CHLSN: variants seen among roughly 807,000 people sequenced by gnomAD.
CHLSN encodes the protein cholesin.
At chr7:1,068,243 G>C in the CHLSN span, among the ~76,000 whole-genome samples, 135 of 152,196 alleles carry the variant, frequency 8.9e-4, no homozygotes, top group African/African-American at 3.2e-3. Context: ...TTCCCCTCGT[G>C]GTGCTCACGC....
At chr7:1,070,921 ACG>A in the CHLSN span, among the ~76,000 whole-genome samples, 8 of 115,002 alleles carry the variant, frequency 7.0e-5, no homozygotes, top group African/African-American at 2.4e-4. Flanking sequence ...CACACACAGC[ACG>A]CACAGACACG....
At chr7:1,076,650 G>T in the CHLSN span, among the ~76,000 whole-genome samples, 3 of 152,282 alleles carry the variant, frequency 2.0e-5, no homozygotes, top group Non-Finnish European at 4.4e-5. Context: ...GGGAAAAGCC[G>T]CAGAGGGAAG....
At chr7:1,125,085 C>T in the CHLSN span, among the ~76,000 whole-genome samples, 2 of 152,252 alleles carry the variant, frequency 1.3e-5, no homozygotes, top group African/African-American at 2.4e-5. Flanking sequence ...CCTGCTGAGC[C>T]GCCTGCAGCC....
chr7:990,893 G>A, the CHLSN span, among the ~76,000 whole-genome samples: 1 of 151,738 alleles, frequency 6.6e-6, no homozygotes, highest in Non-Finnish European at 1.5e-5. Flanking sequence ...GGCAGGGGCT[G>A]TGGAAAATCC....
chr7:985,338 C>A, the CHLSN span: 1 of 1,547,642 alleles, frequency 6.5e-7, no homozygotes. Context: ...GGAGCTGCCT[C>A]CCATCCTTGG....
At chr7:1,090,653 G>C in the CHLSN span, among the ~76,000 whole-genome samples, 1 of 152,246 alleles carries the variant, frequency 6.6e-6, no homozygotes, top group Non-Finnish European at 1.5e-5. Context: ...ACTGGCGGCA[G>C]AGCCCGGGCA....
At chr7:996,293 C>A in the CHLSN span, among the ~76,000 whole-genome samples, 2 of 152,246 alleles carry the variant, frequency 1.3e-5, no homozygotes, top group South Asian at 4.1e-4. Flanking sequence ...TTGCATGCAG[C>A]TCTGTGCGTT....
the CHLSN span, among the ~76,000 whole-genome samples, chr7:1,052,552 C>T: frequency 5.3e-4 from 81 of 152,208 alleles, no homozygotes; most frequent in Non-Finnish European, 1.1e-3. The surrounding 1 kb of genome is among the most constrained non-coding windows in gnomAD (Gnocchi z 4.2). Context: ...CAGGAAGGAG[C>T]AGCTGCCAGG....
the CHLSN span, among the ~76,000 whole-genome samples, chr7:1,112,498 C>T: frequency 7.2e-4 from 110 of 152,282 alleles, no homozygotes; most frequent in Non-Finnish European, 1.4e-3. Context: ...ACAGGGTGAA[C>T]GAGCCTCCTC....
the CHLSN span, among the ~76,000 whole-genome samples, chr7:1,122,674 C>T: frequency 6.6e-6 from 1 of 152,196 alleles, no homozygotes; most frequent in East Asian, 1.9e-4. Context: ...CATTTGAAAC[C>T]TCATCCTCAC....
At chr7:1,070,855 CAT>C in the CHLSN span, among the ~76,000 whole-genome samples, 1 of 147,570 alleles carries the variant, frequency 6.8e-6, no homozygotes, top group African/African-American at 2.6e-5. Context: ...TGCACACGGA[CAT>C]GCACACGGGT....
At chr7:1,049,290 C>A in the CHLSN span, among the ~76,000 whole-genome samples, 2 of 152,214 alleles carry the variant, frequency 1.3e-5, no homozygotes, top group African/African-American at 2.4e-5. Flanking sequence ...GGGGAGGAGG[C>A]CAAAGATCTG....
At chr7:1,038,408 G>A in the CHLSN span, among the ~76,000 whole-genome samples, 1 of 87,736 alleles carries the variant, frequency 1.1e-5, no homozygotes, top group African/African-American at 5.1e-5. Context: ...AGCCCGGCCA[G>A]CCACCCCGTC....
the CHLSN span, chr7:1,010,160 A>G: frequency 6.3e-7 from 1 of 1,598,696 alleles, no homozygotes; most frequent in Non-Finnish European, 8.5e-7. Context: ...GTCAAGGAAC[A>G]CATTAGGCTT....
chr7:1,081,648 T>C, the CHLSN span, among the ~76,000 whole-genome samples: 1 of 152,018 alleles, frequency 6.6e-6, no homozygotes, highest in Non-Finnish European at 1.5e-5. Flanking sequence ...ACACAGGCTG[T>C]GGAGCTGGAG....
At chr7:1,118,822 AAG>A in the CHLSN span, among the ~76,000 whole-genome samples, 2 of 150,338 alleles carry the variant, frequency 1.3e-5, no homozygotes, top group African/African-American at 2.5e-5. Flanking sequence ...AAAAAAAAAA[AAG>A]AGGTACTTAC....
At chr7:1,093,841 C>A in the CHLSN span, 3 of 365,072 alleles carry the variant, frequency 8.2e-6, no homozygotes, top group African/African-American at 6.4e-5. Context: ...TGGGGGTCTG[C>A]CAAGTGGGGT....
chr7:1,070,395 G>A, the CHLSN span, among the ~76,000 whole-genome samples: 1 of 125,442 alleles, frequency 8.0e-6, no homozygotes, highest in Non-Finnish European at 1.9e-5. Flanking sequence ...CCCCGTCCGG[G>A]AGGTGAGGGG....
At chr7:1,038,309 G>T in the CHLSN span, among the ~76,000 whole-genome samples, 1 of 99,388 alleles carries the variant, frequency 1.0e-5, no homozygotes, top group Non-Finnish European at 2.3e-5. Context: ...GAGGTGGGGG[G>T]GTCAGCCCCC....
Sources: gnomAD v4.1 joint callset for allele counts (sites outside exome capture counted in the v4.1 genomes callset) on GRCh38, gnomAD v4.1.1 for gene constraint, Gnocchi (gnomAD v3.1) non-coding constraint, MANE v1.5 for transcripts, NCBI Gene and HGNC (gene_info 2026-07-23, HGNC 2026-07-21) for gene names.